Variants in KIAA0825 observed in about 807,000 individuals in gnomAD.
The protein encoded by KIAA0825 is KIAA0825.
A neutral mutation model predicts 147.6 loss-of-function variants in KIAA0825; 119 were observed. That is an observed-to-expected ratio of 0.81 (90% CI 0.69 to 0.94). The LOEUF (loss-of-function observed/expected upper bound fraction) is 0.94. Among genes scored for constraint, KIAA0825 ranks in the 40% least tolerant of loss-of-function variants. The pLI, the probability that KIAA0825 is intolerant of heterozygous loss-of-function variation, is 0.00. For synonymous variants in KIAA0825, 470 were observed against 518.1 expected (o/e 0.91, Z 1.26); for missense variants, 1,381 against 1,472.7 (o/e 0.94, Z 1.02).
At chr5:94,248,490 C>T (rs1239789599) in intron 20 of KIAA0825, among the ~76,000 whole-genome samples, 1 of 152,136 alleles carries the variant, frequency 6.6e-6, no homozygotes, top group Non-Finnish European at 1.5e-5. Context: ...GAATAATAGC[C>T]TGTAGACCAA....
intron 14 of KIAA0825, among the ~76,000 whole-genome samples, chr5:94,427,393 A>G (rs1288079304): frequency 6.6e-6 from 1 of 152,082 alleles, no homozygotes; most frequent in African/African-American, 2.4e-5. Context: ...AAAAATAGCC[A>G]TGTGAGATGG....
At chr5:94,411,629 G>A (rs1268979287) in intron 15 of KIAA0825, among the ~76,000 whole-genome samples, 2 of 152,058 alleles carry the variant, frequency 1.3e-5, no homozygotes, top group East Asian at 3.9e-4. Context: ...TTGTTCTTAG[G>A]ACACAAAAAG....
At chr5:94,329,024 T>C (rs1384930502) in intron 20 of KIAA0825, among the ~76,000 whole-genome samples, 1 of 152,110 alleles carries the variant, frequency 6.6e-6, no homozygotes, top group Admixed American at 6.5e-5. Context: ...ACTATGCAAC[T>C]TCCTGAGACC....
intron 1 of KIAA0825, among the ~76,000 whole-genome samples, chr5:94,595,415 T>G (rs971634998): frequency 6.6e-6 from 1 of 152,200 alleles, no homozygotes; most frequent in South Asian, 2.1e-4. Flanking sequence ...GTTGCTCCCT[T>G]TTAGCCACAG....
intron 20 of KIAA0825, among the ~76,000 whole-genome samples, chr5:94,317,804 AT>A (rs1779790213): frequency 6.6e-6 from 1 of 151,862 alleles, no homozygotes; most frequent in African/African-American, 2.4e-5. Flanking sequence ...TATTGTCTAT[AT>A]TTTTTAAATG....
chr5:94,601,145 C>T (rs1786354948), intron 1 of KIAA0825, among the ~76,000 whole-genome samples: 2 of 152,152 alleles, frequency 1.3e-5, no homozygotes, highest in South Asian at 4.1e-4. Context: ...CTGGGGTCTC[C>T]AATTACCTCC....
At chr5:94,339,220 G>T (rs899794721) in intron 20 of KIAA0825, among the ~76,000 whole-genome samples, 1 of 152,004 alleles carries the variant, frequency 6.6e-6, no homozygotes, top group Admixed American at 6.6e-5. Flanking sequence ...TATTAACTAG[G>T]GGGTAGTATA....
chr5:94,186,692 A>G (rs1770148097), intron 20 of KIAA0825, among the ~76,000 whole-genome samples: 1 of 152,234 alleles, frequency 6.6e-6, no homozygotes, highest in Non-Finnish European at 1.5e-5. Context: ...CCAATCATGT[A>G]TACACACGAA....
At chr5:94,205,982 G>GT (rs1274781243) in intron 20 of KIAA0825, among the ~76,000 whole-genome samples, 2 of 152,042 alleles carry the variant, frequency 1.3e-5, no homozygotes, top group Admixed American at 6.6e-5. Context: ...TTATGTGTTA[G>GT]TTTTTTTGTT....
chr5:94,198,504 A>G (rs1244464979), intron 20 of KIAA0825, among the ~76,000 whole-genome samples: 1 of 151,998 alleles, frequency 6.6e-6, no homozygotes, highest in East Asian at 1.9e-4. Context: ...AGGAACAGAA[A>G]ACCAAACACT....
chr5:94,353,354 A>C (rs552450169), intron 20 of KIAA0825, among the ~76,000 whole-genome samples: 1 of 152,314 alleles, frequency 6.6e-6, no homozygotes, highest in Non-Finnish European at 1.5e-5. Context: ...GTTTTATCCA[A>C]ATCTACTGTT....
At chr5:94,387,168 A>C (rs550593777) in intron 18 of KIAA0825, among the ~76,000 whole-genome samples, 1 of 152,220 alleles carries the variant, frequency 6.6e-6, no homozygotes, top group Admixed American at 6.5e-5. Context: ...AATAGATTTT[A>C]AAAAATATAA....
intron 20 of KIAA0825, among the ~76,000 whole-genome samples, chr5:94,168,962 A>G (rs1768331717): frequency 6.6e-6 from 1 of 152,230 alleles, no homozygotes; most frequent in South Asian, 2.1e-4. Flanking sequence ...TTGCTCTAAA[A>G]ATGATAAAAA....
In KIAA0825 at chr5:94,484,643, C is replaced by G. The variant is rs138899245; in HGVS notation, c.1132+126G>C. The G allele has an allele frequency of 1.4e-3, 792 of 584,888 alleles. 5 individuals are homozygous for G. The highest frequency in any genetic ancestry group is 0.012 in the African/African-American group (635 of 53,078). The allele number at this position is 584,888 out of a possible 1,614,324, so 36.2% of individuals were successfully genotyped here. A position where few individuals can be genotyped will look rare whatever the true frequency, so the allele number is the denominator to read the frequency against. On this transcript the variant is annotated intron_variant, in intron 6 of 20. Coordinates refer to ENST00000682413, the MANE Select transcript of KIAA0825 (RefSeq NM_001145678.3). ...ATATAATGCATGGTGTGCATTATAC[C>G]AAATGCTTATTTAAAGAATTCTTTC...
chr5:94,470,426 G>A (rs1761072957), intron 9 of KIAA0825, among the ~76,000 whole-genome samples: 1 of 152,116 alleles, frequency 6.6e-6, no homozygotes, highest in African/African-American at 2.4e-5. Context: ...AGAGATCAGT[G>A]CATTATTTAG....
chr5:94,250,657 T>C (rs943492868), intron 20 of KIAA0825, among the ~76,000 whole-genome samples: 1 of 152,098 alleles, frequency 6.6e-6, no homozygotes, highest in Non-Finnish European at 1.5e-5. Context: ...TCAAAGATAA[T>C]GGCCCCCTAA....
intron 20 of KIAA0825, among the ~76,000 whole-genome samples, chr5:94,215,323 G>A (rs17323433): frequency 0.1 from 15,694 of 152,170 alleles, 912 homozygotes; most frequent in Middle Eastern, 0.14. Flanking sequence ...TGGCAGGTAC[G>A]TTGCACATAG....
At chr5:94,344,859 G>A (rs1044073854) in intron 20 of KIAA0825, among the ~76,000 whole-genome samples, 5 of 152,176 alleles carry the variant, frequency 3.3e-5, no homozygotes, top group African/African-American at 1.2e-4. Flanking sequence ...GGTACCTAGA[G>A]TGGTCAAATT....
chr5:94,170,430 T>TA (rs1280072527), intron 20 of KIAA0825, among the ~76,000 whole-genome samples: 1 of 152,170 alleles, frequency 6.6e-6, no homozygotes, highest in Non-Finnish European at 1.5e-5. Context: ...TGTCTCAAAA[T>TA]ACTTATTATC....
Sources: gnomAD v4.1 joint callset for allele counts (sites outside exome capture counted in the v4.1 genomes callset) on GRCh38, gnomAD v4.1.1 for gene constraint, MANE v1.5 for transcripts, NCBI Gene and HGNC (gene_info 2026-07-23, HGNC 2026-07-21) for gene names.